Variants in CLSTN2 observed in about 807,000 individuals in gnomAD.
CLSTN2 encodes the protein calsyntenin 2.
In CLSTN2, 48 loss-of-function variants were observed where a neutral mutation model predicts 101.2. That is an observed-to-expected ratio of 0.47 (90% CI 0.38 to 0.60). CLSTN2 has a LOEUF of 0.60. Among genes scored for constraint, CLSTN2 ranks in the 20% least tolerant of loss-of-function variants. The pLI, the probability that CLSTN2 is intolerant of heterozygous loss-of-function variation, is 0.00. For missense variants in CLSTN2, 1,160 were observed against 1,238.2 expected (o/e 0.94, Z 0.95); for synonymous variants, 481 against 463.6 (o/e 1.04, Z -0.48).
intron 4 of CLSTN2, among the ~76,000 whole-genome samples, chr3:140,410,558 G>A (rs1309801079): frequency 6.6e-6 from 1 of 152,010 alleles, no homozygotes; most frequent in Non-Finnish European, 1.5e-5. Flanking sequence ...AAATGATAAG[G>A]GGAGTTTTTC....
At chr3:140,043,908 T>C (rs2007814058) in intron 1 of CLSTN2, among the ~76,000 whole-genome samples, 1 of 152,256 alleles carries the variant, frequency 6.6e-6, no homozygotes, top group Admixed American at 6.5e-5. Flanking sequence ...ACCAGTACCA[T>C]GCTGTTTTGG....
intron 1 of CLSTN2, among the ~76,000 whole-genome samples, chr3:140,093,842 C>A (rs2008822759): frequency 6.6e-6 from 1 of 152,158 alleles, no homozygotes; most frequent in Non-Finnish European, 1.5e-5. Flanking sequence ...GTAGTAGTAT[C>A]TTAAGGATAA....
chr3:140,176,553 G>T (rs1321230788), intron 2 of CLSTN2, among the ~76,000 whole-genome samples: 1 of 152,230 alleles, frequency 6.6e-6, no homozygotes, highest in Non-Finnish European at 1.5e-5. Flanking sequence ...AAGTGGGTGT[G>T]TCTCTGCAGG....
chr3:140,476,013 G>A (rs1032191359), intron 8 of CLSTN2, among the ~76,000 whole-genome samples: 6 of 152,208 alleles, frequency 3.9e-5, no homozygotes, highest in African/African-American at 1.4e-4. Flanking sequence ...GATGGAAGCA[G>A]CAGGAGCTCA....
intron 6 of CLSTN2, chr3:140,449,956 G>A (rs961060336): frequency 6.6e-6 from 1 of 152,362 alleles, no homozygotes; most frequent in African/African-American, 2.4e-5. Flanking sequence ...GAGGGACAGA[G>A]AGGGCTTGTT....
chr3:140,308,764 AC>A (rs1213983111), intron 2 of CLSTN2, among the ~76,000 whole-genome samples: 21 of 152,134 alleles, frequency 1.4e-4, no homozygotes, highest in Admixed American at 3.3e-4. Flanking sequence ...CACAGTCTTC[AC>A]TCCAGTTTTA....
At chr3:140,350,989 C>T (rs2087599890) in intron 2 of CLSTN2, among the ~76,000 whole-genome samples, 1 of 152,144 alleles carries the variant, frequency 6.6e-6, no homozygotes, top group South Asian at 2.1e-4. Flanking sequence ...TTGCTTTGCT[C>T]ATAAACTGAG....
At chr3:140,081,380 TG>T (rs1234405523) in intron 1 of CLSTN2, among the ~76,000 whole-genome samples, 1 of 152,250 alleles carries the variant, frequency 6.6e-6, no homozygotes, top group Non-Finnish European at 1.5e-5. Context: ...TCTCCTCTTT[TG>T]CATGTTTGTC....
At chr3:140,353,912 C>T (rs1298109397) in intron 2 of CLSTN2, among the ~76,000 whole-genome samples, 1 of 152,128 alleles carries the variant, frequency 6.6e-6, no homozygotes, top group Non-Finnish European at 1.5e-5. Context: ...CGCCAAAATG[C>T]TGAGGTCACA....
intron 8 of CLSTN2, among the ~76,000 whole-genome samples, chr3:140,473,148 G>A (rs1012090082): frequency 6.6e-6 from 1 of 152,224 alleles, no homozygotes; most frequent in African/African-American, 2.4e-5. Flanking sequence ...GAGTGCCAGT[G>A]TGCTGGCACC....
chr3:139,967,993 G>A (rs1179009456), intron 1 of CLSTN2, among the ~76,000 whole-genome samples: 2 of 152,140 alleles, frequency 1.3e-5, no homozygotes, highest in East Asian at 3.9e-4. Flanking sequence ...GTGTCTGTGT[G>A]TGTGTGTGTG....
rs537889621 is a variant in CLSTN2, at chr3:140,335,491, C to T, written c.233-68138C>T. 4.0e-5 allele frequency among the ~76,000 whole-genome samples: 6 copies of T among 150,254 alleles called. No homozygotes were observed. The South Asian group carries it at 1.3e-3, about 32-fold the overall frequency. On this transcript the variant is annotated intron_variant, in intron 2 of 16. Transcript: ENST00000458420. ...AAAGCCCCACTGACCCTGGAAGTGG[C>T]TATTATCTGACCTGAGTCAAAAGGC...
At chr3:140,074,906 CG>C (rs1316852273) in intron 1 of CLSTN2, among the ~76,000 whole-genome samples, 2 of 152,184 alleles carry the variant, frequency 1.3e-5, no homozygotes, top group East Asian at 3.9e-4. Context: ...CACCGAACCC[CG>C]GGCCCAGAGT....
chr3:140,034,013 T>C (rs1285187147), intron 1 of CLSTN2, among the ~76,000 whole-genome samples: 1 of 152,232 alleles, frequency 6.6e-6, no homozygotes, highest in Non-Finnish European at 1.5e-5. Flanking sequence ...CATTTTCAAT[T>C]AATGTTGAGT....
intron 8 of CLSTN2, among the ~76,000 whole-genome samples, chr3:140,494,046 A>G (rs1934402336): frequency 6.6e-6 from 1 of 152,236 alleles, no homozygotes. Flanking sequence ...CAAGAAAAAA[A>G]TCTGTTTTTC....
intron 7 of CLSTN2, among the ~76,000 whole-genome samples, chr3:140,461,597 G>GAC (rs1297369561): frequency 1.3e-5 from 2 of 152,178 alleles, no homozygotes; most frequent in East Asian, 3.8e-4. Flanking sequence ...TAGATCCTCT[G>GAC]ACCCTGTGTC....
chr3:140,391,665 T>C (rs960397859), intron 2 of CLSTN2, among the ~76,000 whole-genome samples: 1 of 151,866 alleles, frequency 6.6e-6, no homozygotes, highest in Admixed American at 6.6e-5. Context: ...TTTTACAATA[T>C]TAAGTTTTTT....
At chr3:140,336,189 T>A (rs2087438028) in intron 2 of CLSTN2, among the ~76,000 whole-genome samples, 1 of 152,212 alleles carries the variant, frequency 6.6e-6, no homozygotes, top group South Asian at 2.1e-4. Context: ...CTAGCTACCA[T>A]GGAATGCTGA....
At chr3:139,937,574 T>TAG (rs1935046838) in intron 1 of CLSTN2, among the ~76,000 whole-genome samples, 1 of 114,676 alleles carries the variant, frequency 8.7e-6, no homozygotes, top group African/African-American at 3.2e-5. Flanking sequence ...CCGTCTCTAC[T>TAG]AAAAAAAAAA....
Sources: allele counts gnomAD v4.1 joint callset (sites outside exome capture counted in the v4.1 genomes callset), GRCh38; gene constraint gnomAD v4.1.1; transcripts MANE v1.5; gene names NCBI Gene and HGNC (gene_info 2026-07-23, HGNC 2026-07-21).